MSTO1: variants seen among roughly 807,000 people sequenced by gnomAD.
The protein encoded by MSTO1 is protein misato homolog 1.
MSTO1 carries 24 observed loss-of-function variants against 55.7 expected under a neutral mutation model. The ratio of observed to expected loss-of-function variants is 0.43; its 90% CI spans 0.31 to 0.61. The LOEUF is 0.61. Ranked by LOEUF, MSTO1 falls within the 20% of genes least tolerant of loss-of-function variation. MSTO1 has a pLI of 0.09. For synonymous variants in MSTO1, 162 were observed against 252.8 expected (o/e 0.64, Z 3.41); for missense variants, 363 against 625.7 (o/e 0.58, Z 4.48).
chr1:155,565,138 C>G, the MSTO1 span, among the ~76,000 whole-genome samples: 1 of 149,822 alleles, frequency 6.7e-6, no homozygotes, highest in Non-Finnish European at 1.5e-5. Context: ...AAAAAAAAAT[C>G]CAAAAAAAAT....
chr1:155,587,713 C>T, the MSTO1 span, among the ~76,000 whole-genome samples: 1 of 143,322 alleles, frequency 7.0e-6, no homozygotes, highest in African/African-American at 2.6e-5. Flanking sequence ...CACTGCACTC[C>T]AGCCTGGGCG....
the MSTO1 span, among the ~76,000 whole-genome samples, chr1:155,589,670 T>C: frequency 6.6e-6 from 1 of 152,014 alleles, no homozygotes; most frequent in Non-Finnish European, 1.5e-5. Flanking sequence ...GTCCAAAAGC[T>C]GAAGAACTTG....
chr1:155,567,515 T>G, the MSTO1 span, among the ~76,000 whole-genome samples: 2 of 151,634 alleles, frequency 1.3e-5, no homozygotes, highest in Non-Finnish European at 2.9e-5. Flanking sequence ...GGTTTCACCG[T>G]GGTCTCGATC....
chr1:155,612,250 A>G lies in MSTO1; in HGVS notation c.747A>G (p.Leu249=). ...SGVGAKAAEL[L]QDEYSGRGII... The stretch of plus-strand genomic sequence containing the variant: ...TAGGCGCGAAGGCGGCAGAGCTGCT[A>G]CAAGATGAATATTCAGGGCGGGGAA... The change falls in exon 8 of 14, where the codon CTA becomes CTG. Residue 249 remains leucine (L), a synonymous_variant. Transcript: ENST00000245564. 1 of 1,592,932 alleles carries G rather than the reference A, an allele frequency of 6.3e-7. No homozygotes were observed. Among genetic ancestry groups the G allele is most frequent in the Non-Finnish European group, 8.6e-7 (1 of 1,169,254 alleles).
the MSTO1 span, among the ~76,000 whole-genome samples, chr1:155,600,180 C>T: frequency 1.3e-5 from 2 of 152,358 alleles, no homozygotes; most frequent in East Asian, 3.9e-4. Context: ...CAATACCTGG[C>T]TTTCCTAGGC....
the MSTO1 span, among the ~76,000 whole-genome samples, chr1:155,596,564 C>A: frequency 6.6e-6 from 1 of 152,144 alleles, no homozygotes; most frequent in Non-Finnish European, 1.5e-5. Context: ...GTGGGAGGAT[C>A]ACTTGAGCCC....
chr1:155,563,421 C>T, the MSTO1 span: 1 of 456,696 alleles, frequency 2.2e-6, no homozygotes, highest in Non-Finnish European at 4.4e-6. Context: ...GCCAGTAGGA[C>T]CGGCGCGCCT....
the MSTO1 span, among the ~76,000 whole-genome samples, chr1:155,578,090 C>T: frequency 2.0e-5 from 3 of 151,854 alleles, no homozygotes; most frequent in South Asian, 6.2e-4. Flanking sequence ...TTGATAGTAG[C>T]AATATTTTTT....
the MSTO1 span, among the ~76,000 whole-genome samples, chr1:155,569,169 A>G: frequency 1.3e-5 from 2 of 151,234 alleles, no homozygotes; most frequent in Non-Finnish European, 2.9e-5. Flanking sequence ...AGAGTCTTGC[A>G]CTGTCACCCA....
the MSTO1 span, among the ~76,000 whole-genome samples, chr1:155,597,973 C>T: frequency 2.6e-5 from 4 of 151,888 alleles, no homozygotes; most frequent in Admixed American, 6.6e-5. Flanking sequence ...CGCGCCACCA[C>T]GCCCAGCTAA....
the MSTO1 span, among the ~76,000 whole-genome samples, chr1:155,587,808 A>G: frequency 6.6e-6 from 1 of 152,050 alleles, no homozygotes; most frequent in Non-Finnish European, 1.5e-5. Context: ...AGGATAATTA[A>G]TATTTTTCCA....
chr1:155,597,371 G>A, the MSTO1 span, among the ~76,000 whole-genome samples: 8 of 150,840 alleles, frequency 5.3e-5, 1 homozygote, highest in African/African-American at 1.9e-4. Context: ...TCGGGAGGCT[G>A]AGGCAGGAGA....
the MSTO1 span, among the ~76,000 whole-genome samples, chr1:155,589,327 A>G: frequency 2.0e-5 from 3 of 152,008 alleles, no homozygotes; most frequent in Non-Finnish European, 2.9e-5. Context: ...CTTTCTTAAT[A>G]ACAGATGAGA....
Position 155,614,207 on chromosome 1 carries a change from A to G in MSTO1, c.1647A>G (p.Ala549=). Residue 549 remains alanine (A), a synonymous_variant, in exon 14 of 14, where the codon GCA becomes GCG. Coordinates refer to ENST00000245564, the MANE Select transcript of MSTO1 (RefSeq NM_018116.4). ...CTGGAGTGGAGCACGATGACGTAGC[A>G]GAGCTGCTGCAGGAGCTACAAAGCC... ...MDAGVEHDDV[A]ELLQELQSLA... 5.4e-6 allele frequency: 6 copies of G among 1,114,276 alleles called. No individual in the cohort carries two copies. Among genetic ancestry groups the G allele is most frequent in the Non-Finnish European group, 7.7e-6 (6 of 774,296 alleles). 69.0% of individuals were successfully genotyped at this position (1,114,276 alleles called of 1,614,324 possible).
the MSTO1 span, among the ~76,000 whole-genome samples, chr1:155,579,942 G>A: frequency 2.6e-5 from 4 of 151,990 alleles, no homozygotes; most frequent in African/African-American, 9.7e-5. Flanking sequence ...GCCAGGCGTG[G>A]TGGTGTGTCT....
Position 155,614,930 on chromosome 1 carries a change from C to T in MSTO1, c.*657C>T, listed in dbSNP as rs1166858471. 4 of 1,234,864 alleles carry T rather than the reference C, an allele frequency of 3.2e-6. No homozygotes were observed. In the Admixed American group the frequency reaches 7.9e-5, roughly 24 times the overall value. The allele number at this position is 1,234,864 out of a possible 1,614,324, so 76.5% of individuals were successfully genotyped here. Reference sequence around the variant, plus strand: ...TAGTAACATGTTAACATTTATGAAGCACTATATATTGATTTGCAAAATCTT... The same window carrying T: ...TAGTAACATGTTAACATTTATGAAGTACTATATATTGATTTGCAAAATCTT... On this transcript the variant is annotated 3_prime_UTR_variant, in exon 14 of 14. Coordinates refer to ENST00000245564, the MANE Select transcript of MSTO1 (RefSeq NM_018116.4).
the MSTO1 span, chr1:155,563,666 T>A: frequency 1.2e-5 from 5 of 429,844 alleles, no homozygotes; most frequent in African/African-American, 1.0e-4. Flanking sequence ...TTTCATTCAG[T>A]TCTGGACTTA....
In MSTO1 at chr1:155,612,439, C is replaced by T. The variant is rs761740567; in HGVS notation, c.835C>T (p.Arg279Cys). Residue 279 changes from arginine to cysteine, a missense_variant, in exon 9 of 14, where the codon CGT becomes TGT. Around this residue, in one of 3 missense-constraint regions of MSTO1, gnomAD observed 231 missense variants for 286.9 expected, o/e 0.81. Coordinates refer to ENST00000245564, the MANE Select transcript of MSTO1 (RefSeq NM_018116.4). ...HRGEAQRNIYRLLNTAFGLVH... is the reference protein window; with the variant it reads ...HRGEAQRNIYCLLNTAFGLVH... ...CCAGGAGGCCCAGAGAAACATCTAT[C>T]GTCTATTAAACACAGCTTTTGGTCT... 21 of 1,613,426 alleles carry T rather than the reference C, an allele frequency of 1.3e-5. No individual in the cohort carries two copies. Among genetic ancestry groups the T allele is most frequent in the African/African-American group, 2.7e-5 (2 of 74,984 alleles).
chr1:155,563,876 G>C, the MSTO1 span: 3 of 308,112 alleles, frequency 9.7e-6, no homozygotes, highest in African/African-American at 2.2e-5. Flanking sequence ...TGTTGATGTC[G>C]ATAACGTTTG....
Sources: gnomAD v4.1 joint callset for allele counts (sites outside exome capture counted in the v4.1 genomes callset) on GRCh38, gnomAD v4.1.1 for gene constraint, gnomAD v4.1.1 regional missense constraint, MANE v1.5 for transcripts, NCBI Gene and HGNC (gene_info 2026-07-23, HGNC 2026-07-21) for gene names.